The following TNFRSF11A variants were observed in gnomAD, a reference collection of about 807,000 sequenced individuals.
TNFRSF11A encodes the protein TNF receptor superfamily member 11a, also known as tumor necrosis factor receptor superfamily member 11A.
A neutral mutation model predicts 55.7 loss-of-function variants in TNFRSF11A; 32 were observed. The observed-to-expected ratio is 0.57, with a 90% CI of 0.43 to 0.77. The LOEUF (loss-of-function observed/expected upper bound fraction) is 0.77, where lower values mean the gene tolerates loss of function less well. Among genes scored for constraint, TNFRSF11A ranks in the 30% least tolerant of loss-of-function variants. The pLI is 0.00. For missense variants in TNFRSF11A, 753 were observed against 809.8 expected (o/e 0.93, Z 0.85); for synonymous variants, 311 against 331.0 (o/e 0.94, Z 0.65).
chr18:62,374,623 G>A (rs1204516892), intron 9 of TNFRSF11A, among the ~76,000 whole-genome samples: 1 of 152,174 alleles, frequency 6.6e-6, no homozygotes, highest in East Asian at 1.9e-4. Context: ...ATAAGCTTTT[G>A]AGAAGAAAGG....
intron 1 of TNFRSF11A, among the ~76,000 whole-genome samples, chr18:62,328,005 A>G (rs908379099): frequency 6.6e-6 from 1 of 152,260 alleles, no homozygotes; most frequent in African/African-American, 2.4e-5. Flanking sequence ...GTACACGGTC[A>G]TGTTTATCTG....
chr18:62,356,290 C>T (rs537009987), intron 4 of TNFRSF11A, among the ~76,000 whole-genome samples: 21 of 152,336 alleles, frequency 1.4e-4, no homozygotes, highest in Admixed American at 3.3e-4. Context: ...CTAACTGACA[C>T]ATTCGGTCTT....
rs1452711519 is a variant in TNFRSF11A at position 62,387,769 on chromosome 18, G to A, written c.*2735G>A. ...TGTGTTAGATCAGAACCTTCATGTG[G>A]TGGGGAAAATGGGATTATTTCAGTG... On this transcript the variant is annotated 3_prime_UTR_variant, in exon 10 of 10. Transcript: ENST00000586569. The A allele has an allele frequency of 1.3e-5, 2 of 152,176 alleles. No individual in the cohort carries two copies. Among genetic ancestry groups the A allele is most frequent in the Non-Finnish European group, 2.9e-5 (2 of 68,032 alleles). The allele number at this position is 152,176 out of a possible 1,614,324, so 9.4% of individuals were successfully genotyped here.
intron 9 of TNFRSF11A, among the ~76,000 whole-genome samples, chr18:62,373,319 C>T (rs1310286834): frequency 4.6e-5 from 7 of 152,126 alleles, no homozygotes; most frequent in Admixed American, 2.6e-4. Flanking sequence ...ATTAGCTGGG[C>T]ATGGTGGCAT....
rs1427571409 is a variant in TNFRSF11A, at chr18:62,354,402, G to A, written c.295G>A (p.Val99Met). ...CTTGTCTCCCGCAGGCAAGGCCCTG[G>A]TGGCCGTGGTCGCCGGCAACAGCAC... The part of the protein sequence containing the change: ...HKVCDTGKAL[V>M]AVVAGNSTTP... The change falls in exon 4 of 10, where the codon GTG (valine) becomes ATG (methionine). Residue 99 changes from valine to methionine, a missense_variant. Around this residue, in one of 3 missense-constraint regions of TNFRSF11A, gnomAD observed 156 missense variants for 155.1 expected, o/e 1.01. Coordinates refer to ENST00000586569, the MANE Select transcript of TNFRSF11A (RefSeq NM_003839.4). The A allele has an allele frequency of 6.3e-7, 1 of 1,583,184 alleles. No individual in the cohort carries two copies. The highest frequency in any genetic ancestry group is 1.7e-5 in the Admixed American group (1 of 58,060).
chr18:62,379,214 A>G (rs1299934126), intron 9 of TNFRSF11A, among the ~76,000 whole-genome samples: 1 of 152,140 alleles, frequency 6.6e-6, no homozygotes, highest in African/African-American at 2.4e-5. Flanking sequence ...TGTTACTGTT[A>G]TTATTGTAGT....
intron 4 of TNFRSF11A, among the ~76,000 whole-genome samples, chr18:62,357,467 G>C (rs1422246012): frequency 6.6e-6 from 1 of 152,200 alleles, no homozygotes; most frequent in African/African-American, 2.4e-5. Flanking sequence ...TAAGGAAGGG[G>C]TCTAAGATCC....
intron 2 of TNFRSF11A, among the ~76,000 whole-genome samples, chr18:62,348,614 A>G (rs1266579782): frequency 6.6e-6 from 1 of 152,230 alleles, no homozygotes; most frequent in Non-Finnish European, 1.5e-5. Flanking sequence ...GTTTTCACAG[A>G]AATTTTATTT....
intron 4 of TNFRSF11A, chr18:62,358,013 CT>C (rs1203436234): frequency 1.9e-5 from 10 of 528,220 alleles, no homozygotes; most frequent in Non-Finnish European, 3.1e-5. Flanking sequence ...AGTCAGTTAC[CT>C]TTCTGAGCGT....
Position 62,387,295 on chromosome 18 carries a change from T to A in TNFRSF11A, c.*2261T>A, listed in dbSNP as rs1164125201. The A allele has an allele frequency of 2.6e-5, 4 of 151,970 alleles. No homozygotes were observed. Among genetic ancestry groups the A allele is most frequent in the Non-Finnish European group, 5.9e-5 (4 of 67,908 alleles). 9.4% of individuals were successfully genotyped at this position (151,970 alleles called of 1,614,324 possible). The stretch of plus-strand genomic sequence containing the variant: ...CTAAAAAATGTATAGAAAATATAAG[T>A]CTGTGTCTGTGTACTGTAGAGATGT... On this transcript the variant is annotated 3_prime_UTR_variant, in exon 10 of 10. Coordinates refer to ENST00000586569, the MANE Select transcript of TNFRSF11A (RefSeq NM_003839.4).
In TNFRSF11A at chr18:62,390,684, G is replaced by A. The variant is rs1205991395; in HGVS notation, c.*5650G>A. The A allele has an allele frequency of 6.6e-6, 1 of 152,198 alleles. No individual in the cohort carries two copies. The highest frequency in any genetic ancestry group is 2.4e-5 in the African/African-American group (1 of 41,452). 9.4% of individuals were successfully genotyped at this position (152,198 alleles called of 1,614,324 possible). A position where few individuals can be genotyped will look rare whatever the true frequency, so the allele number is the denominator to read the frequency against. ...CTTAGAGACTGTCTCCATTTAAGCA[G>A]CAGCAGTAAAACATCTTACCCTAAA... On this transcript the variant is annotated 3_prime_UTR_variant, in exon 10 of 10. Transcript: ENST00000586569.
intron 9 of TNFRSF11A, 101 bp from the exon 10 acceptor site, chr18:62,384,650 T>G: frequency 7.0e-7 from 1 of 1,423,884 alleles, no homozygotes; most frequent in Non-Finnish European, 9.7e-7. Context: ...GCTGTGGGAA[T>G]CCGGGGAGCC....
At position 62,374,932 on chromosome 18, in the gene TNFRSF11A, T is replaced by G. The variant is rs532268609; in HGVS notation, c.1567+5448T>G. ...TTTTTAAGTTTTTTTTGAGACAGGG[T>G]TTGGCTCTATTACCCAGGCTGGAGA... On this transcript the variant is annotated intron_variant, in intron 9 of 9. Coordinates refer to ENST00000586569, the MANE Select transcript of TNFRSF11A (RefSeq NM_003839.4). 4.0e-5 allele frequency among the ~76,000 whole-genome samples: 6 copies of G among 151,872 alleles called. No homozygotes were observed. In the South Asian group the frequency reaches 1.2e-3, roughly 32 times the overall value.
At chr18:62,360,427 T>C (rs897453972) in intron 6 of TNFRSF11A, among the ~76,000 whole-genome samples, 2 of 150,564 alleles carry the variant, frequency 1.3e-5, no homozygotes, top group Admixed American at 1.3e-4. Context: ...GAACATGTTG[T>C]AGATTAGATT....
At chr18:62,358,095 ACACAGGGGTGGG>A (rs1426645532) in intron 4 of TNFRSF11A, 141 bp from the exon 5 acceptor site, 11 of 690,078 alleles carry the variant, frequency 1.6e-5, no homozygotes, top group Non-Finnish European at 2.5e-5. Flanking sequence ...AAGAAGTTAG[ACACAGGGGTGGG>A]CACAGGGGTG....
chr18:62,353,542 A>G (rs1908993719), intron 3 of TNFRSF11A, among the ~76,000 whole-genome samples: 1 of 152,222 alleles, frequency 6.6e-6, no homozygotes, highest in Non-Finnish European at 1.5e-5. Flanking sequence ...CAAAATGTAC[A>G]CGGTTCTGTC....
intron 9 of TNFRSF11A, among the ~76,000 whole-genome samples, chr18:62,382,064 A>G (rs1455321803): frequency 8.9e-5 from 13 of 145,902 alleles, no homozygotes; most frequent in Admixed American, 8.2e-4. Flanking sequence ...ATTATTTTAT[A>G]GTATAAGTCT....
intron 4 of TNFRSF11A, among the ~76,000 whole-genome samples, chr18:62,356,420 A>C (rs1909258847): frequency 6.6e-6 from 1 of 152,230 alleles, no homozygotes; most frequent in African/African-American, 2.4e-5. Flanking sequence ...TTCTGATTCT[A>C]AAATAGAAGA....
At chr18:62,362,214 G>C (rs571744311) in intron 7 of TNFRSF11A, among the ~76,000 whole-genome samples, 56 of 152,190 alleles carry the variant, frequency 3.7e-4, no homozygotes, top group Middle Eastern at 3.4e-3. Flanking sequence ...ACCTTCGGTG[G>C]GTGTGGTGGC....
Sources: gnomAD v4.1 joint callset for allele counts (sites outside exome capture counted in the v4.1 genomes callset) on GRCh38, gnomAD v4.1.1 for gene constraint, gnomAD v4.1.1 regional missense constraint, MANE v1.5 for transcripts, NCBI Gene and HGNC (gene_info 2026-07-23, HGNC 2026-07-21) for gene names.